The following MFSD8 variants were observed in gnomAD, a reference collection of about 807,000 sequenced individuals.
MFSD8 encodes major facilitator superfamily domain containing 8.
MFSD8 carries 55 observed loss-of-function variants against 66.4 expected under a neutral mutation model. That is an observed-to-expected ratio of 0.83 (90% CI 0.67 to 1.04). MFSD8 has a LOEUF of 1.04. Ranked by LOEUF, MFSD8 falls within the 50% of genes least tolerant of loss-of-function variation. The pLI is 0.00. For synonymous variants in MFSD8, 202 were observed against 212.8 expected, an observed-to-expected ratio of 0.95 and a Z score of 0.44; for missense variants, 550 against 627.6, an observed-to-expected ratio of 0.88 and a Z score of 1.32.
upstream of MFSD8, chr4:127,965,206 A>G (rs1744872156): frequency 1.3e-6 from 2 of 1,585,834 alleles, no homozygotes; most frequent in Admixed American, 1.8e-5. Context: ...GGGTGGCGTG[A>G]AGCTGGCAAA....
intron 9 of MFSD8, among the ~76,000 whole-genome samples, chr4:127,925,680 G>C (rs759254565): frequency 1.3e-5 from 2 of 152,144 alleles, no homozygotes; most frequent in Non-Finnish European, 2.9e-5. Context: ...AGACAGTGTG[G>C]CAATTCCCCA....
chr4:127,924,932 A>C (rs1217905867), intron 9 of MFSD8, among the ~76,000 whole-genome samples: 1 of 152,150 alleles, frequency 6.6e-6, no homozygotes, highest in East Asian at 1.9e-4. Flanking sequence ...CTCAGAAATA[A>C]CACCACACAT....
intron 1 of MFSD8, among the ~76,000 whole-genome samples, chr4:127,963,780 G>A (rs1744303499): frequency 6.6e-6 from 1 of 152,216 alleles, no homozygotes; most frequent in Non-Finnish European, 1.5e-5. Context: ...AGGGACCTCA[G>A]CGGGTTGCCA....
upstream of MFSD8, chr4:127,965,306 A>T (rs1579056343): frequency 2.6e-6 from 2 of 762,604 alleles, no homozygotes; most frequent in East Asian, 5.4e-5. Flanking sequence ...AAGGCCGGGC[A>T]GCGCAGGGCG....
At chr4:127,933,447 C>T (rs752774957) in intron 7 of MFSD8, 7 of 199,708 alleles carry the variant, frequency 3.5e-5, no homozygotes, top group Non-Finnish European at 7.2e-5. Context: ...TTTCATCATG[C>T]TACCCAGTCT....
At chr4:127,929,492 A>T (rs1192171943) in intron 9 of MFSD8, among the ~76,000 whole-genome samples, 1 of 151,570 alleles carries the variant, frequency 6.6e-6, no homozygotes, top group East Asian at 1.9e-4. Flanking sequence ...TGAAGCTGAG[A>T]CAGGAGGATT....
chr4:127,920,473 T>C lies in MFSD8; in HGVS notation c.*157A>G. On this transcript the variant is annotated 3_prime_UTR_variant, in exon 12 of 12. Coordinates refer to ENST00000641686, the MANE Select transcript of MFSD8 (RefSeq NM_001371596.2). ...ATAACCTACTATTCACAATGACATGTAGAATTCTCTCTGTTATTCAACATA... is the reference window on the plus strand; with the variant it reads ...ATAACCTACTATTCACAATGACATGCAGAATTCTCTCTGTTATTCAACATA... 1.4e-6 allele frequency: 1 copy of C among 735,892 alleles called. No individual in the cohort carries two copies. Among genetic ancestry groups the C allele is most frequent in the Non-Finnish European group, 2.4e-6 (1 of 415,130 alleles). 45.6% of individuals were successfully genotyped at this position (735,892 alleles called of 1,614,324 possible). A position where few individuals can be genotyped will look rare whatever the true frequency, so the allele number is the denominator to read the frequency against.
intron 9 of MFSD8, among the ~76,000 whole-genome samples, chr4:127,928,334 G>T (rs1361393844): frequency 6.6e-6 from 1 of 152,120 alleles, no homozygotes; most frequent in African/African-American, 2.4e-5. Flanking sequence ...GGCCAGACTG[G>T]TCTCGAACTG....
intron 7 of MFSD8, among the ~76,000 whole-genome samples, chr4:127,936,566 A>G (rs559312337): frequency 6.7e-4 from 102 of 152,234 alleles, no homozygotes; most frequent in African/African-American, 2.3e-3. Context: ...TCTCTATTAA[A>G]GAAAAAAAAA....
chr4:127,931,125 C>T (rs375541583), intron 8 of MFSD8, among the ~76,000 whole-genome samples: 1 of 152,150 alleles, frequency 6.6e-6, no homozygotes, highest in African/African-American at 2.4e-5. Flanking sequence ...TAATGCCTAT[C>T]ATTCTAACAT....
intron 9 of MFSD8, among the ~76,000 whole-genome samples, chr4:127,922,514 A>G (rs1736484408): frequency 6.6e-6 from 1 of 152,016 alleles, no homozygotes; most frequent in South Asian, 2.1e-4. Flanking sequence ...AGTTCTAGCT[A>G]CTTAGGAGGT....
intron 1 of MFSD8, among the ~76,000 whole-genome samples, chr4:127,960,304 C>A (rs187767968): frequency 6.6e-6 from 1 of 152,292 alleles, no homozygotes; most frequent in Non-Finnish European, 1.5e-5. Flanking sequence ...CAAAGCCGGG[C>A]AGACTGCTTG....
rs138219028 is a variant in MFSD8, at chr4:127,930,703, T to C, written c.978A>G (p.Gly326=). The change falls in exon 9 of 12, where the codon GGA becomes GGG. Residue 326 remains glycine, a synonymous_variant. Transcript: ENST00000641686. ...CTTACTTTTTGGAAAGCAACTTAACTCCTAAGAAAATAACAACGGCTTCAA... is the reference window on the plus strand; with the variant it reads ...CTTACTTTTTGGAAAGCAACTTAACCCCTAAGAAAATAACAACGGCTTCAA... The part of the protein sequence containing the change: ...LGVEAVVIFL[G]VKLLSKKIGE... The C allele has an allele frequency of 1.2e-4, 197 of 1,613,338 alleles. No homozygotes were observed. Among genetic ancestry groups the C allele is most frequent in the Non-Finnish European group, 1.6e-4 (187 of 1,179,754 alleles).
At chr4:127,931,029 CTAA>C (rs990315027) in intron 8 of MFSD8, among the ~76,000 whole-genome samples, 4 of 152,044 alleles carry the variant, frequency 2.6e-5, no homozygotes, top group Admixed American at 6.6e-5. Flanking sequence ...ATTTTACTTC[CTAA>C]TGTTTATTTT....
Position 127,920,727 on chromosome 4 carries a change from A to T in MFSD8, c.1460T>A (p.Leu487Gln). Residue 487 changes from leucine to glutamine, a missense_variant, in exon 12 of 12, where the codon CTG becomes CAG. Leu to Gln is a moderately radical substitution (Grantham distance 113). Coordinates refer to ENST00000641686, the MANE Select transcript of MFSD8 (RefSeq NM_001371596.2). ...GGTGAGCACTATTATTCCACACACC[A>T]GGCTGAATGCCCATCGTGGTCCCCA... ...AHWGPRWAFS[L>Q]VCGIIVLTIT... The T allele has an allele frequency of 6.2e-7, 1 of 1,614,096 alleles. No individual in the cohort carries two copies. The highest frequency in any genetic ancestry group is 8.5e-7 in the Non-Finnish European group (1 of 1,180,034).
intron 1 of MFSD8, among the ~76,000 whole-genome samples, chr4:127,958,473 C>T (rs1028606396): frequency 6.0e-5 from 9 of 150,678 alleles, no homozygotes; most frequent in South Asian, 2.1e-4. Context: ...TTTTTTCAAA[C>T]GTGATATGGT....
chr4:127,930,422 A>G (rs1156651707), intron 9 of MFSD8, among the ~76,000 whole-genome samples: 5 of 152,328 alleles, frequency 3.3e-5, no homozygotes, highest in African/African-American at 1.2e-4. Context: ...ATACAGTAGA[A>G]CAATGGTTTA....
In MFSD8 at chr4:127,942,168, A is replaced by G; in HGVS notation, c.440-10T>C. ...ACAACTGCTACATTTCCTTAAAAACAAGACACAATAATCCAAAGTAAAAGA... is the reference window on the plus strand; with the variant it reads ...ACAACTGCTACATTTCCTTAAAAACGAGACACAATAATCCAAAGTAAAAGA... On this transcript the variant is annotated splice_polypyrimidine_tract_variant and intron_variant, in intron 4 of 11. Coordinates refer to ENST00000641686, the MANE Select transcript of MFSD8 (RefSeq NM_001371596.2). 1 of 1,575,536 alleles carries G rather than the reference A, an allele frequency of 6.3e-7. No homozygotes were observed. Among genetic ancestry groups the G allele is most frequent in the Non-Finnish European group, 8.7e-7 (1 of 1,145,196 alleles).
At chr4:127,944,041 T>A (rs1468896697) in intron 3 of MFSD8, 49 bp from the exon 4 acceptor site, 14 of 1,610,892 alleles carry the variant, frequency 8.7e-6, no homozygotes, top group Non-Finnish European at 1.2e-5. Context: ...AAGAAAAGTT[T>A]AAAACTAAAT....
Sources: allele counts gnomAD v4.1 joint callset (sites outside exome capture counted in the v4.1 genomes callset), GRCh38; gene constraint gnomAD v4.1.1; transcripts MANE v1.5; gene names NCBI Gene and HGNC (gene_info 2026-07-23, HGNC 2026-07-21).